Variants in FRMD4A observed in about 807,000 individuals in gnomAD.
FRMD4A encodes the protein FERM domain-containing protein 4A.
Under a neutral mutation model 129.1 loss-of-function variants are expected in FRMD4A, and 29 were observed. That is an observed-to-expected ratio of 0.22 (90% confidence interval 0.17 to 0.31). The LOEUF (loss-of-function observed/expected upper bound fraction) is 0.31. FRMD4A is among the 10% of genes least tolerant of loss of function. The pLI is 1.00. For synonymous variants in FRMD4A, 634 were observed against 571.6 expected (o/e 1.11, Z -1.56); for missense variants, 1,272 against 1,375.8 (o/e 0.92, Z 1.19).
chr10:13,712,385 G>A (rs1253293078), intron 12 of FRMD4A, among the ~76,000 whole-genome samples: 2 of 152,080 alleles, frequency 1.3e-5, no homozygotes, highest in African/African-American at 2.4e-5. Flanking sequence ...GTAGTGGCAC[G>A]CGCCTGTAAT....
At chr10:14,078,908 A>T (rs1835766853) in intron 2 of FRMD4A, among the ~76,000 whole-genome samples, 1 of 152,156 alleles carries the variant, frequency 6.6e-6, no homozygotes, top group Admixed American at 6.6e-5. Flanking sequence ...AAGGCTCCAT[A>T]TTCTGGAGGT....
At chr10:14,317,829 AT>A (rs1341843347) in intron 2 of FRMD4A, among the ~76,000 whole-genome samples, 1 of 152,078 alleles carries the variant, frequency 6.6e-6, no homozygotes, top group Non-Finnish European at 1.5e-5. Flanking sequence ...AGTCCAAAAA[AT>A]AGTCACAGAT....
intron 5 of FRMD4A, among the ~76,000 whole-genome samples, chr10:13,789,589 C>CACAT (rs1381827376): frequency 1.3e-5 from 2 of 148,904 alleles, no homozygotes; most frequent in South Asian, 2.1e-4. Context: ...CACACACACA[C>CACAT]ATGACGCAGA....
chr10:13,696,576 T>G (rs571379906), intron 14 of FRMD4A, among the ~76,000 whole-genome samples: 28 of 152,174 alleles, frequency 1.8e-4, no homozygotes, highest in Non-Finnish European at 3.5e-4. Context: ...AAACCCTGTC[T>G]CTACTAAAAA....
chr10:13,931,040 GC>G (rs1442141362), intron 2 of FRMD4A, among the ~76,000 whole-genome samples: 5 of 152,104 alleles, frequency 3.3e-5, no homozygotes, highest in African/African-American at 1.2e-4. Flanking sequence ...TCTCTATGTT[GC>G]CCAGGCTGGT....
intron 2 of FRMD4A, among the ~76,000 whole-genome samples, chr10:13,883,337 A>G (rs2131131674): frequency 6.6e-6 from 1 of 152,080 alleles, no homozygotes; most frequent in South Asian, 2.1e-4. Context: ...TAAAAATACA[A>G]AAAAATTAGC....
chr10:13,740,098 CAAAAGA>C, intron 11 of FRMD4A, 90 bp downstream of exon 11: 1 of 818,010 alleles, frequency 1.2e-6, no homozygotes, highest in African/African-American at 1.7e-5. Flanking sequence ...GACTCTATCT[CAAAAGA>C]AAAAGAAAAA....
intron 2 of FRMD4A, chr10:14,326,990 G>T (rs754944747): frequency 5.0e-6 from 2 of 398,664 alleles, no homozygotes; most frequent in Non-Finnish European, 4.4e-6. Flanking sequence ...TGTCCTGTGT[G>T]GAGAGGCATC....
At chr10:14,330,001 T>G in intron 2 of FRMD4A, 57 bp downstream of exon 2, 1 of 1,500,926 alleles carries the variant, frequency 6.7e-7, no homozygotes, top group Non-Finnish European at 9.1e-7. Context: ...CAGCCCACGG[T>G]GCAGGGGAGG....
rs201508810 is a variant in FRMD4A, at chr10:13,909,941, TA to T, written c.46-51030del. Among the ~76,000 whole-genome samples, 805 of 152,310 alleles carry T rather than the reference TA, an allele frequency of 5.3e-3. 11 individuals are homozygous for T. The highest frequency in any genetic ancestry group is 0.018 in the African/African-American group (742 of 41,574). On this transcript the variant is annotated intron_variant, in intron 2 of 24. Transcript: ENST00000357447. ...GTCCAAAAGACGAGTTTGAGGTATA[TA>T]AAAAAGCACTGTAATTAAAGGATAC...
At chr10:14,236,995 CAAAAAAAA>C (rs71477244) in intron 2 of FRMD4A, among the ~76,000 whole-genome samples, 276 of 75,392 alleles carry the variant, frequency 3.7e-3, no homozygotes, top group Middle Eastern at 0.017. Context: ...AACAGGTCAG[CAAAAAAAA>C]AAAAAAAAAA....
At chr10:13,852,798 G>A (rs1057392195) in intron 3 of FRMD4A, among the ~76,000 whole-genome samples, 1 of 152,016 alleles carries the variant, frequency 6.6e-6, no homozygotes, top group East Asian at 1.9e-4. Context: ...GCCACATTTT[G>A]CTCAATGGCC....
Position 13,656,721 on chromosome 10 carries a change from G to C in FRMD4A, c.2868C>G (p.Gly956=), listed in dbSNP as rs2082181925. 6.3e-7 allele frequency: 1 copy of C among 1,589,468 alleles called. No homozygotes were observed. Among genetic ancestry groups the C allele is most frequent in the African/African-American group, 1.4e-5 (1 of 72,918 alleles). Residue 956 remains glycine, a synonymous_variant, in exon 22 of 25, where the codon GGC becomes GGG. Coordinates refer to ENST00000357447, the MANE Select transcript of FRMD4A (RefSeq NM_018027.5). ...SHTSSTSSDS[G]SQYSTSSQST... ...TCTGGGAGGAGGTGCTGTACTGCGA[G>C]CCGCTGTCCGAGGAGGTGGAGCTGG...
In FRMD4A at chr10:14,223,197, G is replaced by A. The variant is rs142195513; in HGVS notation, c.45+106861C>T. On this transcript the variant is annotated intron_variant, in intron 2 of 24. Transcript: ENST00000357447. ...GCAGACTTCTAGGGTCCACATCTCC[G>A]GATGGAGCAGGCACAACTGCTAGGC... is the stretch of plus-strand genomic sequence containing the variant. Among the ~76,000 whole-genome samples the A allele has an allele frequency of 1.3e-3, 191 of 152,254 alleles. 1 individual carries two copies. The highest frequency in any genetic ancestry group is 3.4e-3 in the Middle Eastern group (1 of 294).
chr10:13,910,308 G>A (rs1394599722), intron 2 of FRMD4A, among the ~76,000 whole-genome samples: 1 of 152,202 alleles, frequency 6.6e-6, no homozygotes, highest in Non-Finnish European at 1.5e-5. Context: ...GATGAGAGCA[G>A]GTGGATCAAA....
intron 2 of FRMD4A, among the ~76,000 whole-genome samples, chr10:14,277,262 T>C (rs2132055087): frequency 6.6e-6 from 1 of 152,256 alleles, no homozygotes; most frequent in East Asian, 1.9e-4. Flanking sequence ...CCAGAAAGGA[T>C]GAAAGAGGCT....
At chr10:14,245,912 C>T (rs1276649822) in intron 2 of FRMD4A, among the ~76,000 whole-genome samples, 1 of 152,180 alleles carries the variant, frequency 6.6e-6, no homozygotes, top group Non-Finnish European at 1.5e-5. Context: ...ACTCTGAAAA[C>T]CCTCGTTGGA....
chr10:14,206,907 C>A (rs1315536624), intron 2 of FRMD4A, among the ~76,000 whole-genome samples: 2 of 151,176 alleles, frequency 1.3e-5, no homozygotes, highest in Admixed American at 6.6e-5. Flanking sequence ...GATTGGAATG[C>A]AAAATGCTAC....
chr10:13,679,735 C>T (rs977136913), intron 15 of FRMD4A, among the ~76,000 whole-genome samples: 1 of 151,992 alleles, frequency 6.6e-6, no homozygotes, highest in Non-Finnish European at 1.5e-5. Context: ...AGGAAATCCA[C>T]TGTTCTGGGG....
Sources: gnomAD v4.1 joint callset for allele counts (sites outside exome capture counted in the v4.1 genomes callset) on GRCh38, gnomAD v4.1.1 for gene constraint, MANE v1.5 for transcripts, NCBI Gene and HGNC (gene_info 2026-07-23, HGNC 2026-07-21) for gene names.